GHITM: variants seen among roughly 807,000 people sequenced by gnomAD.
GHITM encodes the protein growth hormone-inducible transmembrane protein.
Under a neutral mutation model 38.7 loss-of-function variants are expected in GHITM, and 24 were observed. The observed-to-expected ratio is 0.62, with a 90% confidence interval of 0.45 to 0.87. The LOEUF (loss-of-function observed/expected upper bound fraction) is 0.87, where lower values mean the gene tolerates loss of function less well. GHITM is among the 40% of genes least tolerant of loss of function. The probability of loss-of-function intolerance (pLI) is 0.00; values close to 1 mark genes in which losing one functional copy is unlikely to be tolerated. For synonymous variants in GHITM, 154 were observed against 147.8 expected (o/e 1.04, Z -0.30); for missense variants, 420 against 429.8 (o/e 0.98, Z 0.20).
chr10:84,143,996 T>G lies in GHITM; in HGVS notation c.231T>G (p.Ile77Met). The G allele has an allele frequency of 6.2e-7, 1 of 1,607,264 alleles. No individual in the cohort carries two copies. Among genetic ancestry groups the G allele is most frequent in the South Asian group, 1.1e-5 (1 of 90,962 alleles). ...LEPSMEKIFK[I>M]DQMGRWFVAG... ...TGCATTTCCTTCTGTGTTCTGCAGT[T>G]GATCAGATGGGAAGATGGTTTGTTG... Residue 77 changes from isoleucine to methionine, a missense_variant and splice_region_variant, in exon 4 of 9, where the codon ATT (isoleucine) becomes ATG (methionine). Transcript: ENST00000372134.
intron 1 of GHITM, chr10:84,140,489 G>A (rs12570814): frequency 0.26 from 39,233 of 152,132 alleles, 5,939 homozygotes; most frequent in Non-Finnish European, 0.35. Context: ...CTTTCAAGCA[G>A]GTAGTCTAAG....
intron 2 of GHITM, 93 bp from the exon 3 acceptor site, chr10:84,142,562 A>G (rs1841517492): frequency 4.6e-6 from 3 of 648,982 alleles, no homozygotes; most frequent in Non-Finnish European, 7.7e-6. Context: ...TTCTTTAACT[A>G]GAGTTTTCTA....
At chr10:84,147,856 G>A (rs1841571282) in intron 5 of GHITM, among the ~76,000 whole-genome samples, 1 of 152,152 alleles carries the variant, frequency 6.6e-6, no homozygotes, top group African/African-American at 2.4e-5. Flanking sequence ...ACCTGGAAGG[G>A]TAGAAGTGTA....
At chr10:84,141,931 C>G (rs775836433) in intron 2 of GHITM, among the ~76,000 whole-genome samples, 3 of 146,680 alleles carry the variant, frequency 2.0e-5, no homozygotes, top group Non-Finnish European at 2.9e-5. Flanking sequence ...TCCTGGAGCA[C>G]ATAGTCAGAA....
chr10:84,150,911 C>A (rs373815298), intron 8 of GHITM, 31 bp downstream of exon 8: 1 of 1,443,712 alleles, frequency 6.9e-7, no homozygotes, highest in South Asian at 1.1e-5. Context: ...AACACTGTTA[C>A]TCTGTCACAT....
intron 2 of GHITM, among the ~76,000 whole-genome samples, chr10:84,142,326 G>A (rs1005890869): frequency 5.9e-5 from 9 of 152,104 alleles, no homozygotes; most frequent in Non-Finnish European, 1.3e-4. Context: ...TCTCACCCTG[G>A]TATTTGGTTA....
At chr10:84,147,275 A>T (rs868694674) in intron 5 of GHITM, among the ~76,000 whole-genome samples, 1 of 152,224 alleles carries the variant, frequency 6.6e-6, no homozygotes, top group Non-Finnish European at 1.5e-5. Flanking sequence ...AATGTTTTTT[A>T]AAAATAGAGA....
rs1841626541 is a variant in GHITM, at chr10:84,152,999, G to C, written c.*651G>C. 6.6e-6 allele frequency: 1 copy of C among 152,004 alleles called. No individual in the cohort carries two copies. The highest frequency in any genetic ancestry group is 1.5e-5 in the Non-Finnish European group (1 of 68,004). 9.4% of individuals were successfully genotyped at this position (152,004 alleles called of 1,614,324 possible). A position where few individuals can be genotyped will look rare whatever the true frequency, so the allele number is the denominator to read the frequency against. On this transcript the variant is annotated 3_prime_UTR_variant, in exon 9 of 9. Transcript: ENST00000372134. ...AGTGCTCTCTTTCCAATATAGATGT[G>C]GTCATGTTTGACTTGTACAGAATGT...
Position 84,150,780 on chromosome 10 carries a change from G to A in GHITM, c.853G>A (p.Val285Ile), listed in dbSNP as rs375934721. The A allele has an allele frequency of 3.1e-6, 5 of 1,612,952 alleles. No homozygotes were observed. The African/African-American group carries it at 4.0e-5, about 13-fold the overall frequency. ...LYSVAMYGGL[V>I]LFSMFLLYDT... ...CTCAGTGGCAATGTACGGTGGATTA[G>A]TTCTTTTCAGCATGTTCCTTCTGTA... The change falls in exon 8 of 9, where the codon GTT becomes ATT. Residue 285 changes from valine (V) to isoleucine (I), a missense_variant. Physicochemically the swap from Val to Ile is conservative, Grantham distance 29 (BLOSUM62 3). Coordinates refer to ENST00000372134, the MANE Select transcript of GHITM (RefSeq NM_014394.3).
intron 5 of GHITM, among the ~76,000 whole-genome samples, chr10:84,145,834 A>G (rs917780097): frequency 6.6e-6 from 1 of 152,170 alleles, no homozygotes; most frequent in African/African-American, 2.4e-5. Flanking sequence ...ACTGTTAGGC[A>G]AGTTCCGTGA....
chr10:84,141,062 T>A (rs916952157), intron 1 of GHITM, among the ~76,000 whole-genome samples: 1 of 152,244 alleles, frequency 6.6e-6, no homozygotes, highest in African/African-American at 2.4e-5. Context: ...AAAAGTTATG[T>A]AGATTCTTTT....
chr10:84,142,609 C>T, intron 2 of GHITM, 46 bp from the exon 3 acceptor site: 2 of 1,172,638 alleles, frequency 1.7e-6, no homozygotes, highest in Non-Finnish European at 1.2e-6. Flanking sequence ...TATTAACGTT[C>T]TGTTTTCATG....
In GHITM at chr10:84,152,666, G is replaced by A. The variant is rs1158706330; in HGVS notation, c.*318G>A. 2.3e-5 allele frequency: 5 copies of A among 217,818 alleles called. No individual in the cohort carries two copies. Among genetic ancestry groups the A allele is most frequent in the African/African-American group, 1.1e-4 (5 of 43,822 alleles). 13.5% of individuals were successfully genotyped at this position (217,818 alleles called of 1,614,324 possible). On this transcript the variant is annotated 3_prime_UTR_variant, in exon 9 of 9. Coordinates refer to ENST00000372134, the MANE Select transcript of GHITM (RefSeq NM_014394.3). ...TTTTTTCTACTTTAAAATTTAGTAG[G>A]TTCACTGAGTAACTAAAATTTAGCA...
In GHITM at chr10:84,150,096, G is replaced by T. The variant is rs778414463; in HGVS notation, c.634G>T (p.Gly212Cys). ...AVVAPLTILG[G>C]PLLIRAAWYT... is the part of the protein sequence containing the mutation. Reference sequence around the variant, plus strand: ...GGTGGCTCCTCTGACAATATTAGGGGGTCCTCTTCTCATCAGAGCTGCATG... The same window carrying T: ...GGTGGCTCCTCTGACAATATTAGGGTGTCCTCTTCTCATCAGAGCTGCATG... Residue 212 changes from glycine to cysteine, a missense_variant, in exon 7 of 9, where the codon GGT becomes TGT. Physicochemically the swap from Gly to Cys is radical, Grantham distance 159 (BLOSUM62 -3). Transcript: ENST00000372134. 6.2e-7 allele frequency: 1 copy of T among 1,610,154 alleles called. No individual in the cohort carries two copies. Among genetic ancestry groups the T allele is most frequent in the East Asian group, 2.2e-5 (1 of 44,748 alleles).
chr10:84,149,772 G>C (rs1447982579), intron 6 of GHITM, among the ~76,000 whole-genome samples: 1 of 152,170 alleles, frequency 6.6e-6, no homozygotes, highest in African/African-American at 2.4e-5. Context: ...GGTAAGCTCA[G>C]ATTCAAATAG....
chr10:84,141,093 G>A (rs547077943), intron 1 of GHITM, among the ~76,000 whole-genome samples: 3 of 152,244 alleles, frequency 2.0e-5, no homozygotes, highest in African/African-American at 7.2e-5. Context: ...ACTGGATGCT[G>A]GTATAAATCT....
chr10:84,145,633 C>G (rs1214949992), intron 5 of GHITM, among the ~76,000 whole-genome samples: 1 of 152,190 alleles, frequency 6.6e-6, no homozygotes, highest in African/African-American at 2.4e-5. Flanking sequence ...ACTATTATTC[C>G]TAAGATTCTT....
At chr10:84,151,228 G>A (rs1403069189) in intron 8 of GHITM, among the ~76,000 whole-genome samples, 1 of 152,106 alleles carries the variant, frequency 6.6e-6, no homozygotes, top group Non-Finnish European at 1.5e-5. Context: ...GTGTACCAGG[G>A]ATTAGGATTT....
chr10:84,143,730 G>A (rs1008629290), intron 3 of GHITM, among the ~76,000 whole-genome samples: 3 of 152,104 alleles, frequency 2.0e-5, no homozygotes, highest in African/African-American at 7.2e-5. Context: ...ACGTCTACAG[G>A]TATACTGCTC....
Sources: allele counts gnomAD v4.1 joint callset (sites outside exome capture counted in the v4.1 genomes callset), GRCh38; gene constraint gnomAD v4.1.1; transcripts MANE v1.5; gene names NCBI Gene and HGNC (gene_info 2026-07-23, HGNC 2026-07-21).